Variants in SYT1 observed in about 807,000 individuals in gnomAD.
The protein encoded by SYT1 is synaptotagmin 1.
A neutral mutation model predicts 44.8 loss-of-function variants in SYT1; 8 were observed. That is an observed-to-expected ratio of 0.18 (90% CI 0.10 to 0.32). SYT1 has a LOEUF of 0.32. Among genes scored for constraint, SYT1 ranks in the 10% least tolerant of loss-of-function variants. SYT1 has a pLI of 1.00. For synonymous variants in SYT1, 154 were observed against 188.8 expected (o/e 0.82, Z 1.51); for missense variants, 286 against 509.3 (o/e 0.56, Z 4.22).
chr12:79,336,879 G>T (rs912027074), intron 8 of SYT1, among the ~76,000 whole-genome samples: 1 of 151,136 alleles, frequency 6.6e-6, no homozygotes, highest in African/African-American at 2.4e-5. Context: ...GTCTTGTTTT[G>T]TTGCACAGGC....
intron 3 of SYT1, among the ~76,000 whole-genome samples, chr12:79,156,374 A>G (rs1203959773): frequency 1.3e-5 from 2 of 152,034 alleles, no homozygotes; most frequent in African/African-American, 4.8e-5. Flanking sequence ...TTGCCTTCAG[A>G]GACTATTCTT....
At chr12:79,251,293 G>A (rs541189404) in intron 4 of SYT1, among the ~76,000 whole-genome samples, 26 of 152,062 alleles carry the variant, frequency 1.7e-4, no homozygotes, top group African/African-American at 6.3e-4. Context: ...TTCCAGAGAG[G>A]AATTTGAGTG....
At chr12:79,053,874 C>T (rs1007711301) in intron 3 of SYT1, among the ~76,000 whole-genome samples, 2 of 151,738 alleles carry the variant, frequency 1.3e-5, no homozygotes, top group African/African-American at 4.8e-5. Context: ...AATGATCATC[C>T]AGAAAAAAAA....
intron 3 of SYT1, among the ~76,000 whole-genome samples, chr12:79,073,808 T>C (rs1284213559): frequency 6.6e-6 from 1 of 152,182 alleles, no homozygotes; most frequent in Non-Finnish European, 1.5e-5. Flanking sequence ...ACTCTCTTTT[T>C]CTGTCTCTCC....
intron 9 of SYT1, among the ~76,000 whole-genome samples, chr12:79,363,981 C>T (rs1883432285): frequency 6.6e-6 from 1 of 152,050 alleles, no homozygotes; most frequent in African/African-American, 2.4e-5. Context: ...CTTAATATAC[C>T]CTGCCTAAAC....
At chr12:79,310,163 G>A (rs1024200681) in intron 8 of SYT1, among the ~76,000 whole-genome samples, 3 of 152,024 alleles carry the variant, frequency 2.0e-5, no homozygotes, top group African/African-American at 7.3e-5. Flanking sequence ...TAACGTTTAA[G>A]TCTTTAATCC....
intron 9 of SYT1, among the ~76,000 whole-genome samples, chr12:79,386,718 C>T (rs182525896): frequency 7.9e-5 from 12 of 152,300 alleles, no homozygotes; most frequent in Admixed American, 3.9e-4. Flanking sequence ...AACATCATAA[C>T]GCTTTTCAAA....
intron 4 of SYT1, among the ~76,000 whole-genome samples, chr12:79,275,340 C>G (rs904891152): frequency 6.6e-6 from 1 of 152,076 alleles, no homozygotes; most frequent in Non-Finnish European, 1.5e-5. Flanking sequence ...TGCAGGCACA[C>G]CCAGGAATTC....
At chr12:78,992,425 A>C (rs147814018) in intron 2 of SYT1, among the ~76,000 whole-genome samples, 2 of 152,310 alleles carry the variant, frequency 1.3e-5, no homozygotes, top group Non-Finnish European at 2.9e-5. Flanking sequence ...TGGCCATGGA[A>C]TCGAATTAGT....
intron 1 of SYT1, among the ~76,000 whole-genome samples, chr12:78,966,806 T>C (rs1868259667): frequency 6.6e-6 from 1 of 152,160 alleles, no homozygotes; most frequent in Non-Finnish European, 1.5e-5. Context: ...TTAATATTCA[T>C]AAAAGCATTT....
At chr12:79,153,225 G>A (rs951920430) in intron 3 of SYT1, among the ~76,000 whole-genome samples, 1 of 151,986 alleles carries the variant, frequency 6.6e-6, no homozygotes, top group African/African-American at 2.4e-5. Flanking sequence ...TTTGTCATCT[G>A]GAAAATAAAA....
chr12:78,993,028 G>A (rs1870125953), intron 2 of SYT1, among the ~76,000 whole-genome samples: 1 of 151,982 alleles, frequency 6.6e-6, no homozygotes. Flanking sequence ...GCATTTTTTT[G>A]TCAGCAACAA....
intron 3 of SYT1, among the ~76,000 whole-genome samples, chr12:79,158,816 G>C (rs61927308): frequency 0.074 from 11,226 of 151,916 alleles, 511 homozygotes; most frequent in African/African-American, 0.12. Context: ...AGAATCACTT[G>C]AGCCCAGGAA....
chr12:79,432,521 T>C (rs1869858430), intron 9 of SYT1, among the ~76,000 whole-genome samples: 1 of 152,184 alleles, frequency 6.6e-6, no homozygotes, highest in Non-Finnish European at 1.5e-5. Flanking sequence ...ACAACTGCAT[T>C]GTTCATCCTC....
intron 4 of SYT1, among the ~76,000 whole-genome samples, chr12:79,227,224 G>A (rs2138601555): frequency 6.6e-6 from 1 of 151,862 alleles, no homozygotes; most frequent in South Asian, 2.1e-4. Context: ...TTAAATTAAG[G>A]CTTAAATTTT....
intron 3 of SYT1, among the ~76,000 whole-genome samples, chr12:79,148,795 A>C (rs1870084542): frequency 6.6e-6 from 1 of 152,152 alleles, no homozygotes; most frequent in Non-Finnish European, 1.5e-5. Flanking sequence ...TTCAATTGCT[A>C]TTAAAATGTC....
intron 3 of SYT1, among the ~76,000 whole-genome samples, chr12:79,156,977 T>C (rs574988159): frequency 2.6e-5 from 4 of 151,872 alleles, no homozygotes; most frequent in East Asian, 1.9e-4. Context: ...ACCTCTAGAA[T>C]TGGCTTAGGC....
At chr12:79,400,801 C>A (rs1173501726) in intron 9 of SYT1, among the ~76,000 whole-genome samples, 1 of 152,138 alleles carries the variant, frequency 6.6e-6, no homozygotes, top group Non-Finnish European at 1.5e-5. Flanking sequence ...TTTTCATAAG[C>A]CTCAGTAGTG....
At chr12:79,052,810 C>T (rs1169724598) in intron 3 of SYT1, among the ~76,000 whole-genome samples, 2 of 152,044 alleles carry the variant, frequency 1.3e-5, no homozygotes, top group African/African-American at 2.4e-5. Flanking sequence ...CAATGAGATA[C>T]CATCTCACAC....
Sources: gnomAD v4.1 joint callset for allele counts (sites outside exome capture counted in the v4.1 genomes callset) on GRCh38, gnomAD v4.1.1 for gene constraint, MANE v1.5 for transcripts, NCBI Gene and HGNC (gene_info 2026-07-23, HGNC 2026-07-21) for gene names.